The following CEP83 variants were observed in gnomAD, a reference collection of about 807,000 sequenced individuals.
CEP83 encodes the protein centrosomal protein of 83 kDa.
In CEP83, 70 loss-of-function variants were observed where a neutral mutation model predicts 101.9. The observed-to-expected ratio is 0.69, with a 90% CI of 0.57 to 0.84. The LOEUF is 0.84. Among genes scored for constraint, CEP83 ranks in the 40% least tolerant of loss-of-function variants. The probability of loss-of-function intolerance (pLI) is 0.00; values close to 1 mark genes in which losing one functional copy is unlikely to be tolerated. For missense variants in CEP83, 715 were observed against 787.2 expected, an observed-to-expected ratio of 0.91 and a Z score of 1.10; for synonymous variants, 264 against 267.9, an observed-to-expected ratio of 0.99 and a Z score of 0.14.
chr12:94,353,034 C>T (rs2060275149), intron 11 of CEP83, among the ~76,000 whole-genome samples: 1 of 152,080 alleles, frequency 6.6e-6, no homozygotes, highest in South Asian at 2.1e-4. Flanking sequence ...AAGGTCCTCT[C>T]CAAGGCATAC....
At chr12:94,335,828 T>G (rs572485953) in intron 11 of CEP83, 164 bp from the exon 12 acceptor site, 1 of 592,298 alleles carries the variant, frequency 1.7e-6, no homozygotes, top group African/African-American at 2.0e-5. Context: ...ATAACAAAAA[T>G]GTAAAACAAA....
rs140146429 is a variant in CEP83, at chr12:94,439,239, A to G, written c.-154-3912T>C. ...ACAAAATACAAAAGATAAATTAGAC[A>G]AAAAGCTGGCTCTTTGAAAAGACAA... On this transcript the variant is annotated intron_variant, in intron 1 of 16. Transcript: ENST00000397809. Among the ~76,000 whole-genome samples, 256 of 152,324 alleles carry G rather than the reference A, an allele frequency of 1.7e-3. 2 individuals are homozygous for G. Among genetic ancestry groups the G allele is most frequent in the Admixed American group, 0.014 (213 of 15,286 alleles).
At chr12:94,424,057 T>C (rs1178646113) in intron 2 of CEP83, 2 of 1,611,404 alleles carry the variant, frequency 1.2e-6, no homozygotes, top group Non-Finnish European at 1.7e-6. Flanking sequence ...GCATCCAGGA[T>C]GGGTTAGGTA....
chr12:94,273,947 T>TC, the CEP83 span, among the ~76,000 whole-genome samples: 8 of 151,978 alleles, frequency 5.3e-5, no homozygotes, highest in South Asian at 2.1e-4. Context: ...CGTCACCATC[T>TC]CCCAGTACCT....
At chr12:94,393,008 C>G (rs1180260955) in intron 6 of CEP83, among the ~76,000 whole-genome samples, 1 of 152,074 alleles carries the variant, frequency 6.6e-6, no homozygotes, top group Non-Finnish European at 1.5e-5. Context: ...AAAAAAAGTC[C>G]AGGACCAGAT....
intron 1 of CEP83, among the ~76,000 whole-genome samples, chr12:94,443,095 T>C (rs1445640042): frequency 6.6e-6 from 1 of 152,184 alleles, no homozygotes; most frequent in African/African-American, 2.4e-5. Flanking sequence ...GACTCAAATC[T>C]AAATTTCCCA....
chr12:94,289,664 G>C, the CEP83 span, among the ~76,000 whole-genome samples: 2 of 152,100 alleles, frequency 1.3e-5, no homozygotes, highest in African/African-American at 4.8e-5. Flanking sequence ...TTTTCAAAAA[G>C]GCATTTCTGT....
At chr12:94,381,283 G>A (rs932860203) in intron 6 of CEP83, among the ~76,000 whole-genome samples, 6 of 151,948 alleles carry the variant, frequency 3.9e-5, no homozygotes, top group African/African-American at 1.5e-4. Context: ...TCAATTTCTT[G>A]TGCTCTCAAT....
chr12:94,297,060 G>A, the CEP83 span: 1 of 803,670 alleles, frequency 1.2e-6, no homozygotes, highest in Non-Finnish European at 2.1e-6. Context: ...TAGCTATGGA[G>A]AGCTCAAGTC....
chr12:94,281,005 G>A, the CEP83 span, among the ~76,000 whole-genome samples: 5 of 152,314 alleles, frequency 3.3e-5, no homozygotes, highest in South Asian at 2.1e-4. Context: ...CAGGCTGGAC[G>A]TGGTGGCTCA....
the CEP83 span, chr12:94,279,733 GC>G: frequency 0.62 from 711,753 of 1,150,796 alleles, 223,301 homozygotes; most frequent in African/African-American, 0.7. Flanking sequence ...CCCCCTCCCT[GC>G]CCCCACCAGC....
At chr12:94,287,449 C>G in the CEP83 span, among the ~76,000 whole-genome samples, 1 of 152,184 alleles carries the variant, frequency 6.6e-6, no homozygotes, top group Non-Finnish European at 1.5e-5. Flanking sequence ...CTCACTCGCA[C>G]CCTGCTGTGA....
chr12:94,298,216 A>G, the CEP83 span, among the ~76,000 whole-genome samples: 2 of 152,250 alleles, frequency 1.3e-5, no homozygotes, highest in Admixed American at 6.5e-5. Context: ...ATAAAACTTT[A>G]TGATAGAAAT....
intron 6 of CEP83, among the ~76,000 whole-genome samples, chr12:94,399,796 T>C (rs2063143661): frequency 6.6e-6 from 1 of 152,190 alleles, no homozygotes. Context: ...TGAGATAATA[T>C]GTGAATAAAG....
intron 4 of CEP83, among the ~76,000 whole-genome samples, chr12:94,404,733 T>A (rs1047154508): frequency 6.6e-6 from 1 of 152,138 alleles, no homozygotes; most frequent in African/African-American, 2.4e-5. Flanking sequence ...TACAATTACA[T>A]AAATAAAATA....
At chr12:94,395,430 T>C (rs530288954) in intron 6 of CEP83, among the ~76,000 whole-genome samples, 1 of 152,308 alleles carries the variant, frequency 6.6e-6, no homozygotes. Flanking sequence ...TGTACTATAA[T>C]TTATTTTTCC....
chr12:94,352,302 C>CCCAGCTA (rs1334783433), intron 11 of CEP83, among the ~76,000 whole-genome samples: 1 of 151,952 alleles, frequency 6.6e-6, no homozygotes, highest in African/African-American at 2.4e-5. Flanking sequence ...TGCCTGCAAT[C>CCCAGCTA]CCAGCTACTT....
chr12:94,405,679 G>A (rs1189691971), intron 4 of CEP83, among the ~76,000 whole-genome samples: 1 of 152,174 alleles, frequency 6.6e-6, no homozygotes, highest in African/African-American at 2.4e-5. Flanking sequence ...ACATAAGAAA[G>A]CAAAAGGCAG....
the CEP83 span, among the ~76,000 whole-genome samples, chr12:94,291,388 G>A: frequency 1.3e-5 from 2 of 152,178 alleles, no homozygotes; most frequent in South Asian, 2.1e-4. Context: ...AATGCTCAGC[G>A]CTTTTTTGTT....
Sources: allele counts gnomAD v4.1 joint callset (sites outside exome capture counted in the v4.1 genomes callset), GRCh38; gene constraint gnomAD v4.1.1; transcripts MANE v1.5; gene names NCBI Gene and HGNC (gene_info 2026-07-23, HGNC 2026-07-21).